The following EMC2 variants were observed in gnomAD, a reference collection of about 807,000 sequenced individuals.
The protein encoded by EMC2 is TPR repeat protein 35.
In EMC2, 37 loss-of-function variants were observed where a neutral mutation model predicts 51.6. The observed-to-expected ratio is 0.72, with a 90% CI of 0.55 to 0.94. The LOEUF is 0.94. EMC2 is among the 40% of genes least tolerant of loss of function. The pLI, the probability that EMC2 is intolerant of heterozygous loss-of-function variation, is 0.00. For synonymous variants in EMC2, 131 were observed against 112.4 expected (o/e 1.17, Z -1.04); for missense variants, 359 against 350.9 (o/e 1.02, Z -0.18).
rs146292430 is a variant in EMC2 at position 108,454,033 on chromosome 8, T to A, written c.305+886T>A. ...CTTTGTCTGAAACTAATAGAGCTCCTGAGCTTTCTTTTGATTAGTGTTACA... is the reference window on the plus strand; with the variant it reads ...CTTTGTCTGAAACTAATAGAGCTCCAGAGCTTTCTTTTGATTAGTGTTACA... On this transcript the variant is annotated intron_variant, in intron 4 of 10. Transcript: ENST00000220853. 2.3e-3 allele frequency among the ~76,000 whole-genome samples: 350 copies of A among 152,286 alleles called. 1 individual carries two copies. Among genetic ancestry groups the A allele is most frequent in the African/African-American group, 8.1e-3 (336 of 41,582 alleles).
rs865932698 is a variant in EMC2 at position 108,482,372 on chromosome 8, A to T, written c.807+3262A>T. ...TATAAGCAAATATGTATAACTTCTT[A>T]CTTTTTTGCTCATATGATCTTGATG... is the stretch of plus-strand genomic sequence containing the variant. On this transcript the variant is annotated intron_variant, in intron 10 of 10. Transcript: ENST00000220853. 2.4e-4 allele frequency among the ~76,000 whole-genome samples: 37 copies of T among 151,812 alleles called. 1 individual carries two copies. Among genetic ancestry groups the T allele is most frequent in the Admixed American group, 1.2e-3 (19 of 15,216 alleles).
At position 108,470,608 on chromosome 8, in the gene EMC2, A is replaced by G. The variant is rs146592661; in HGVS notation, c.509+487A>G. On this transcript the variant is annotated intron_variant, in intron 7 of 10. Transcript: ENST00000220853. ...GTTGCCTGGGTAAAAAACTGAGAAT[A>G]ATCAAGAATGTTGAATGCTCTAGGA... Among the ~76,000 whole-genome samples, 225 of 152,260 alleles carry G rather than the reference A, an allele frequency of 1.5e-3. 1 individual carries two copies. The highest frequency in any genetic ancestry group is 3.7e-3 in the South Asian group (18 of 4,830).
intron 4 of EMC2, among the ~76,000 whole-genome samples, chr8:108,454,912 C>G (rs1416456624): frequency 6.6e-6 from 1 of 152,004 alleles, no homozygotes; most frequent in Non-Finnish European, 1.5e-5. Flanking sequence ...TTCTTGTTTG[C>G]ATGGTTTCTG....
intron 5 of EMC2, among the ~76,000 whole-genome samples, chr8:108,465,042 T>A (rs372273118): frequency 3.9e-5 from 6 of 152,152 alleles, no homozygotes; most frequent in East Asian, 3.9e-4. Flanking sequence ...AATCCTTTAA[T>A]CCTTTTCTAG....
chr8:108,443,648 G>A lies in EMC2; in HGVS notation c.-11G>A. ...CGCCCTCTCACCCCGCTGCCTCTAG[G>A]TTCTGGGAAGATGGCGAAGGTCTCA... On this transcript the variant is annotated 5_prime_UTR_variant, in exon 1 of 11. Coordinates refer to ENST00000220853, the MANE Select transcript of EMC2 (RefSeq NM_014673.5). 2 of 1,608,158 alleles carry A rather than the reference G, an allele frequency of 1.2e-6. No homozygotes were observed. Among genetic ancestry groups the A allele is most frequent in the Non-Finnish European group, 1.7e-6 (2 of 1,177,098 alleles).
At chr8:108,458,162 G>C (rs192038038) in intron 5 of EMC2, among the ~76,000 whole-genome samples, 7 of 152,360 alleles carry the variant, frequency 4.6e-5, no homozygotes, top group Admixed American at 4.6e-4. Context: ...GGATTCCTAT[G>C]GTCTTGGGCA....
At chr8:108,445,218 G>T (rs1818849876) in intron 1 of EMC2, among the ~76,000 whole-genome samples, 2 of 152,146 alleles carry the variant, frequency 1.3e-5, no homozygotes, top group African/African-American at 4.8e-5. Flanking sequence ...TAGGAACAAA[G>T]AAAACATTTT....
chr8:108,481,106 G>T (rs1027458052), intron 10 of EMC2, among the ~76,000 whole-genome samples: 3 of 151,982 alleles, frequency 2.0e-5, no homozygotes, highest in African/African-American at 7.3e-5. Flanking sequence ...CACATTCTAG[G>T]GTTTGGAAAA....
At chr8:108,485,431 A>ATATATAAT (rs1811116705) in intron 10 of EMC2, among the ~76,000 whole-genome samples, 2 of 146,458 alleles carry the variant, frequency 1.4e-5, no homozygotes, top group Non-Finnish European at 3.0e-5. Context: ...AAATATATAC[A>ATATATAAT]TAATATATAA....
chr8:108,482,413 A>G (rs1290115656), intron 10 of EMC2, among the ~76,000 whole-genome samples: 1 of 152,114 alleles, frequency 6.6e-6, no homozygotes, highest in East Asian at 1.9e-4. Flanking sequence ...AAGTTCTGAA[A>G]TGAAATGTGT....
chr8:108,453,104 A>G lies in EMC2; in HGVS notation c.262A>G (p.Arg88Gly), dbSNP rs752680316. 20 of 1,607,962 alleles carry G rather than the reference A, an allele frequency of 1.2e-5. No homozygotes were observed. The highest frequency in any genetic ancestry group is 1.7e-5 in the Non-Finnish European group (20 of 1,177,080). The change falls in exon 4 of 11, where the codon AGA becomes GGA. Residue 88 changes from arginine (R) to glycine (G), a missense_variant. Physicochemically the swap from Arg to Gly is moderately radical, Grantham distance 125 (BLOSUM62 -2). Transcript: ENST00000220853. ...ELRRQFPGSHRVKRLTGMRFE... is the reference protein window; with the variant it reads ...ELRRQFPGSHGVKRLTGMRFE... Reference sequence around the variant, plus strand: ...GAGAAGACAGTTCCCTGGCAGTCACAGAGTCAAGCGATTAACAGGCATGAG... The same window carrying G: ...GAGAAGACAGTTCCCTGGCAGTCACGGAGTCAAGCGATTAACAGGCATGAG...
intron 5 of EMC2, among the ~76,000 whole-genome samples, chr8:108,463,586 G>C (rs1819386248): frequency 1.3e-5 from 2 of 152,116 alleles, no homozygotes; most frequent in South Asian, 4.1e-4. Flanking sequence ...CAGAAGATCA[G>C]ATTTTGTCCT....
At chr8:108,452,800 T>G (rs371083025) in intron 3 of EMC2, among the ~76,000 whole-genome samples, 6 of 152,176 alleles carry the variant, frequency 3.9e-5, no homozygotes, top group African/African-American at 9.7e-5. Context: ...TATTAGTACT[T>G]AAAGAGTTAT....
At chr8:108,456,843 C>T (rs10505123) in intron 5 of EMC2, among the ~76,000 whole-genome samples, 25,404 of 152,032 alleles carry the variant, frequency 0.17, 3,785 homozygotes, top group African/African-American at 0.4. Context: ...GTCATTATTT[C>T]CACGCACACA....
At chr8:108,455,833 A>C (rs1819137580) in intron 4 of EMC2, 40 bp from the exon 5 acceptor site, 1 of 723,086 alleles carries the variant, frequency 1.4e-6, no homozygotes, top group South Asian at 2.0e-5. Context: ...CTATATTTTT[A>C]AGGTAATAAT....
intron 10 of EMC2, among the ~76,000 whole-genome samples, chr8:108,482,207 T>C (rs1044893472): frequency 2.6e-5 from 4 of 152,208 alleles, no homozygotes; most frequent in African/African-American, 9.6e-5. Flanking sequence ...ATGTGTAGAG[T>C]GGTACTTCAT....
At chr8:108,452,926 T>C (rs1819062585) in intron 3 of EMC2, 136 bp from the exon 4 acceptor site, 2 of 466,350 alleles carry the variant, frequency 4.3e-6, no homozygotes, top group Non-Finnish European at 7.8e-6. Context: ...TATTTGTTAC[T>C]GATTAATTTC....
intron 1 of EMC2, among the ~76,000 whole-genome samples, chr8:108,444,542 A>G (rs1818832209): frequency 6.6e-6 from 1 of 152,172 alleles, no homozygotes; most frequent in African/African-American, 2.4e-5. Context: ...AGGAGACTTC[A>G]GTAGCTAATT....
chr8:108,485,965 A>G (rs1263810321), intron 10 of EMC2, among the ~76,000 whole-genome samples: 1 of 151,864 alleles, frequency 6.6e-6, no homozygotes, highest in African/African-American at 2.4e-5. Flanking sequence ...AGCTCTTTGC[A>G]GAACCATATC....
Sources: allele counts gnomAD v4.1 joint callset (sites outside exome capture counted in the v4.1 genomes callset), GRCh38; gene constraint gnomAD v4.1.1; transcripts MANE v1.5; gene names NCBI Gene and HGNC (gene_info 2026-07-23, HGNC 2026-07-21).